AKAP12: variants seen among roughly 807,000 people sequenced by gnomAD.
AKAP12 encodes A-kinase anchoring protein 12.
AKAP12 carries 32 observed loss-of-function variants against 79.9 expected under a neutral mutation model. The ratio of observed to expected loss-of-function variants is 0.40; its 90% CI spans 0.30 to 0.54. The LOEUF is 0.54. Ranked by LOEUF, AKAP12 falls within the 20% of genes least tolerant of loss-of-function variation. The pLI is 0.48. For synonymous variants in AKAP12, 808 were observed against 857.0 expected, an observed-to-expected ratio of 0.94 and a Z score of 1.00; for missense variants, 2,074 against 2,177.0, an observed-to-expected ratio of 0.95 and a Z score of 0.94.
intron 2 of AKAP12, among the ~76,000 whole-genome samples, chr6:151,250,219 C>T (rs1364775513): frequency 6.6e-6 from 1 of 152,050 alleles, no homozygotes; most frequent in African/African-American, 2.4e-5. Flanking sequence ...AATAAATAGG[C>T]TGGGCGTTGT....
chr6:151,273,346 A>C (rs1366923262), intron 2 of AKAP12, among the ~76,000 whole-genome samples: 4 of 152,110 alleles, frequency 2.6e-5, no homozygotes, highest in Admixed American at 1.3e-4. Flanking sequence ...ACTGAGTTTG[A>C]CTGTTAGATG....
In AKAP12 at chr6:151,276,089, G is replaced by A. The variant is rs1422138276; in HGVS notation, c.163-29658G>A. On this transcript the variant is annotated intron_variant, in intron 2 of 4. Coordinates refer to ENST00000402676, the MANE Select transcript of AKAP12 (RefSeq NM_005100.4). ...TGTTGGTTAACACATTGATCAGATT[G>A]GAGTTTTGTGTGTAAACATACTTTT... is the stretch of plus-strand genomic sequence containing the variant. 2.0e-5 allele frequency among the ~76,000 whole-genome samples: 3 copies of A among 152,276 alleles called. No homozygotes were observed. The East Asian group carries it at 5.8e-4, about 29-fold the overall frequency.
intron 3 of AKAP12, among the ~76,000 whole-genome samples, chr6:151,309,035 T>C (rs1269786962): frequency 2.0e-5 from 3 of 152,048 alleles, no homozygotes; most frequent in Non-Finnish European, 2.9e-5. Flanking sequence ...CCACCACGCC[T>C]GGCTAATTTT....
At chr6:151,335,973 C>T (rs974935283) in intron 3 of AKAP12, among the ~76,000 whole-genome samples, 1 of 152,136 alleles carries the variant, frequency 6.6e-6, no homozygotes, top group Admixed American at 6.6e-5. Context: ...ATCTTTATGT[C>T]CCTGTGTACT....
In AKAP12 at chr6:151,348,829, C is replaced by T. The variant is rs561437815; in HGVS notation, c.438C>T (p.Ile146=). 85 of 1,614,084 alleles carry T rather than the reference C, an allele frequency of 5.3e-5. 3 individuals carry two copies. The South Asian group carries it at 7.9e-4, about 15-fold the overall frequency. ...DDGQEETPEI[I]EQIPSSESNL... The stretch of plus-strand genomic sequence containing the variant: ...GGCAGGAGGAGACACCCGAAATAAT[C>T]GAACAGATTCCTTCTTCAGAAAGCA... The change falls in exon 4 of 5, where the codon ATC becomes ATT. Residue 146 remains isoleucine, a synonymous_variant. Coordinates refer to ENST00000402676, the MANE Select transcript of AKAP12 (RefSeq NM_005100.4).
At chr6:151,341,822 C>A in intron 3 of AKAP12, 1 of 1,283,024 alleles carries the variant, frequency 7.8e-7, no homozygotes, top group Non-Finnish European at 1.0e-6. Flanking sequence ...TCCTTCCCGT[C>A]CCAGGCTTGG....
At chr6:151,348,669 CT>C in intron 3 of AKAP12, 41 bp from the exon 4 acceptor site, 1 of 554,424 alleles carries the variant, frequency 1.8e-6, no homozygotes. Flanking sequence ...TTGTAATCAC[CT>C]TTTCTCTTCT....
chr6:151,259,051 A>G (rs1405253827), intron 2 of AKAP12, among the ~76,000 whole-genome samples: 1 of 150,612 alleles, frequency 6.6e-6, no homozygotes, highest in African/African-American at 2.4e-5. Context: ...ATGTGTGTAT[A>G]TATATATATT....
At chr6:151,335,730 CCCAAAGTG>C (rs1239884915) in intron 3 of AKAP12, among the ~76,000 whole-genome samples, 3 of 152,154 alleles carry the variant, frequency 2.0e-5, no homozygotes, top group African/African-American at 7.2e-5. Flanking sequence ...GCCTCGGCCT[CCCAAAGTG>C]CTGGGATTAC....
intron 2 of AKAP12, among the ~76,000 whole-genome samples, chr6:151,262,134 A>G (rs1245336194): frequency 6.6e-6 from 1 of 152,042 alleles, no homozygotes; most frequent in Non-Finnish European, 1.5e-5. Context: ...TATTTTTAGT[A>G]GAGATGGGGT....
At chr6:151,304,414 G>C (rs1430055885) in intron 2 of AKAP12, among the ~76,000 whole-genome samples, 1 of 137,068 alleles carries the variant, frequency 7.3e-6, no homozygotes, top group African/African-American at 2.7e-5. Flanking sequence ...ACTTGAACCT[G>C]GGAACTGGAG....
At chr6:151,328,370 G>T (rs1777586482) in intron 3 of AKAP12, among the ~76,000 whole-genome samples, 1 of 147,984 alleles carries the variant, frequency 6.8e-6, no homozygotes, top group Non-Finnish European at 1.5e-5. Context: ...CGGGCGCGGC[G>T]GCTCACGCCT....
intron 2 of AKAP12, among the ~76,000 whole-genome samples, chr6:151,257,733 A>G (rs1797329301): frequency 6.6e-6 from 1 of 152,196 alleles, no homozygotes; most frequent in Non-Finnish European, 1.5e-5. Flanking sequence ...GCTGCATGTC[A>G]CAACTTTTAA....
intron 3 of AKAP12, 31 bp from the exon 4 acceptor site, chr6:151,348,680 T>TGGGGGGGGC: frequency 5.6e-6 from 2 of 355,202 alleles, no homozygotes; most frequent in Non-Finnish European, 5.5e-6. Flanking sequence ...TTTTCTCTTC[T>TGGGGGGGGC]CCCCACCCCC....
intron 2 of AKAP12, among the ~76,000 whole-genome samples, chr6:151,267,436 G>A (rs1041894362): frequency 3.3e-5 from 5 of 152,184 alleles, no homozygotes; most frequent in African/African-American, 9.7e-5. Context: ...TGTAGATTTT[G>A]GACCTTAAAA....
intron 3 of AKAP12, among the ~76,000 whole-genome samples, chr6:151,309,139 T>C (rs1777037557): frequency 6.6e-6 from 1 of 152,128 alleles, no homozygotes; most frequent in Non-Finnish European, 1.5e-5. Context: ...CCTCCCAAAG[T>C]GCTGGGATTA....
intron 2 of AKAP12, 139 bp from the exon 3 acceptor site, chr6:151,305,608 C>T: frequency 1.2e-6 from 1 of 842,578 alleles, no homozygotes; most frequent in East Asian, 2.7e-5. Flanking sequence ...AAATATAAGA[C>T]TTAACTCTTC....
chr6:151,278,364 C>T (rs1336992349), intron 2 of AKAP12, among the ~76,000 whole-genome samples: 6 of 151,366 alleles, frequency 4.0e-5, no homozygotes, highest in African/African-American at 1.5e-4. Flanking sequence ...TGCAGGCGCC[C>T]ACCACCATGC....
intron 2 of AKAP12, chr6:151,298,907 T>A (rs1465562006): frequency 6.6e-6 from 1 of 152,224 alleles, no homozygotes; most frequent in Non-Finnish European, 1.5e-5. Context: ...TGTTAATTTC[T>A]GATAACCCAC....
Sources: gnomAD v4.1 joint callset for allele counts (sites outside exome capture counted in the v4.1 genomes callset) on GRCh38, gnomAD v4.1.1 for gene constraint, MANE v1.5 for transcripts, NCBI Gene and HGNC (gene_info 2026-07-23, HGNC 2026-07-21) for gene names.